The following GRM3 variants were observed in gnomAD, a reference collection of about 807,000 sequenced individuals.
The protein encoded by GRM3 is metabotropic glutamate receptor 3.
In GRM3, 26 loss-of-function variants were observed where a neutral mutation model predicts 70.5. The observed-to-expected ratio is 0.37, with a 90% CI of 0.27 to 0.51. GRM3 has a LOEUF of 0.51. Among genes scored for constraint, GRM3 ranks in the 20% least tolerant of loss-of-function variants. The pLI is 0.93. For synonymous variants in GRM3, 443 were observed against 434.9 expected (o/e 1.02, Z -0.23); for missense variants, 859 against 1,123.8 (o/e 0.76, Z 3.37).
chr7:86,688,487 T>G (rs1794618203), intron 1 of GRM3, among the ~76,000 whole-genome samples: 2 of 151,650 alleles, frequency 1.3e-5, no homozygotes, highest in African/African-American at 2.4e-5. Context: ...AAAATTTAAC[T>G]GTATAAAGCA....
chr7:86,767,570 G>A (rs1273071122), intron 2 of GRM3, among the ~76,000 whole-genome samples: 3 of 134,048 alleles, frequency 2.2e-5, no homozygotes, highest in Non-Finnish European at 4.8e-5. Flanking sequence ...AATGAAGTAT[G>A]AAACATTTCA....
At chr7:86,739,609 C>A (rs1315967229) in intron 1 of GRM3, among the ~76,000 whole-genome samples, 1 of 152,108 alleles carries the variant, frequency 6.6e-6, no homozygotes, top group Non-Finnish European at 1.5e-5. Context: ...TCTGGAAAGG[C>A]AAATTTATAA....
intron 1 of GRM3, among the ~76,000 whole-genome samples, chr7:86,688,007 A>G (rs1237622213): frequency 6.6e-6 from 1 of 151,752 alleles, no homozygotes; most frequent in Non-Finnish European, 1.5e-5. Context: ...ATAGCAAGAT[A>G]ACATGTTTAA....
At chr7:86,669,324 A>G (rs902710698) in intron 1 of GRM3, among the ~76,000 whole-genome samples, 1 of 152,196 alleles carries the variant, frequency 6.6e-6, no homozygotes, top group Non-Finnish European at 1.5e-5. Flanking sequence ...GAGAAACACT[A>G]CACTAAGAAC....
intron 3 of GRM3, among the ~76,000 whole-genome samples, chr7:86,825,870 G>A (rs1798222076): frequency 6.6e-6 from 1 of 152,174 alleles, no homozygotes; most frequent in Admixed American, 6.5e-5. Flanking sequence ...GCTTCTGAGA[G>A]CATCTCTGAA....
intron 1 of GRM3, among the ~76,000 whole-genome samples, chr7:86,663,357 G>T (rs1046848846): frequency 1.3e-5 from 2 of 151,988 alleles, no homozygotes; most frequent in African/African-American, 4.8e-5. Flanking sequence ...GAAAATTGAT[G>T]ATATCAGGCA....
At chr7:86,818,580 C>T (rs888738652) in intron 3 of GRM3, among the ~76,000 whole-genome samples, 21 of 152,072 alleles carry the variant, frequency 1.4e-4, no homozygotes, top group African/African-American at 5.1e-4. Flanking sequence ...AGCACTGATA[C>T]ATAGTAGGTA....
At chr7:86,672,832 T>C (rs973004328) in intron 1 of GRM3, among the ~76,000 whole-genome samples, 2 of 152,170 alleles carry the variant, frequency 1.3e-5, no homozygotes, top group Non-Finnish European at 2.9e-5. Context: ...TCTCTGACTT[T>C]GCTAAAAATG....
At chr7:86,824,027 G>A (rs1301135183) in intron 3 of GRM3, among the ~76,000 whole-genome samples, 2 of 152,166 alleles carry the variant, frequency 1.3e-5, no homozygotes, top group Non-Finnish European at 2.9e-5. Flanking sequence ...AGTCTGTATA[G>A]CCTAGAGACT....
chr7:86,825,145 GTTCCCCTCT>G (rs1396501610), intron 3 of GRM3, among the ~76,000 whole-genome samples: 2 of 152,090 alleles, frequency 1.3e-5, no homozygotes, highest in African/African-American at 4.8e-5. Context: ...GGTGTCTCTT[GTTCCCCTCT>G]TTGTGTCCAT....
chr7:86,661,678 C>A (rs1181454383), intron 1 of GRM3, among the ~76,000 whole-genome samples: 1 of 151,808 alleles, frequency 6.6e-6, no homozygotes, highest in African/African-American at 2.4e-5. Flanking sequence ...AATCAAATGA[C>A]ACTGGAAAAT....
In GRM3 at chr7:86,864,476, C is replaced by T. The variant is rs79858753; in HGVS notation, c.*121C>T. On this transcript the variant is annotated 3_prime_UTR_variant, in exon 6 of 6. Coordinates refer to ENST00000361669, the MANE Select transcript of GRM3 (RefSeq NM_000840.3). ...CTAGTACCTTTTTTTAGAAACAGTA[C>T]GATAAATTATTTTTGAGGACTGTAT... The T allele has an allele frequency of 3.1e-5, 24 of 764,346 alleles. No individual in the cohort carries two copies. Among genetic ancestry groups the T allele is most frequent in the African/African-American group, 6.8e-5 (4 of 58,570 alleles). The allele number at this position is 764,346 out of a possible 1,614,324, so 47.3% of individuals were successfully genotyped here. A position where few individuals can be genotyped will look rare whatever the true frequency, so the allele number is the denominator to read the frequency against.
Position 86,786,548 on chromosome 7 carries a change from C to G in GRM3, c.756C>G (p.Ile252Met), listed in dbSNP as rs2116543763. 6.2e-7 allele frequency: 1 copy of G among 1,614,094 alleles called. No homozygotes were observed. Among genetic ancestry groups the G allele is most frequent in the South Asian group, 1.1e-5 (1 of 91,092 alleles). ...CGGAGAAGGTGGGCCGCTCCAACAT[C>G]CGCAAGTCCTACGACAGCGTGATCC... The part of the protein sequence containing the change: ...ATAEKVGRSN[I>M]RKSYDSVIRE... The change falls in exon 3 of 6, where the codon ATC becomes ATG. Residue 252 changes from isoleucine (I) to methionine (M), a missense_variant. Physicochemically the swap from Ile to Met is conservative, Grantham distance 10 (BLOSUM62 1). Coordinates refer to ENST00000361669, the MANE Select transcript of GRM3 (RefSeq NM_000840.3). The surrounding 1 kb of genome is among the most constrained non-coding windows in gnomAD (Gnocchi z 6.0).
chr7:86,770,001 A>G (rs980051093), intron 2 of GRM3, among the ~76,000 whole-genome samples: 8 of 152,156 alleles, frequency 5.3e-5, no homozygotes, highest in African/African-American at 1.9e-4. Flanking sequence ...CAAGAAGAGA[A>G]TCAAGTTGGT....
chr7:86,648,322 A>G (rs1793527893), intron 1 of GRM3, among the ~76,000 whole-genome samples: 1 of 152,200 alleles, frequency 6.6e-6, no homozygotes, highest in African/African-American at 2.4e-5. Flanking sequence ...ACATTATGAG[A>G]CATTTTCATT....
intron 1 of GRM3, among the ~76,000 whole-genome samples, chr7:86,696,724 G>GGTGGTAGCA (rs1794827354): frequency 1.3e-5 from 2 of 150,766 alleles, no homozygotes; most frequent in African/African-American, 4.9e-5. Flanking sequence ...TGGTGGTAGC[G>GGTGGTAGCA]GTGGTAGCAG....
At position 86,725,349 on chromosome 7, in the gene GRM3, G is replaced by T. The variant is rs1795567250; in HGVS notation, c.-140-39657G>T. 2.0e-5 allele frequency among the ~76,000 whole-genome samples: 3 copies of T among 152,228 alleles called. No homozygotes were observed. In the South Asian group the frequency reaches 6.2e-4, roughly 32 times the overall value. ...TGTTGAACAACCAATCTCACAGTAT[G>T]CCATGGATTCTGAGAGCCAGGAATT... On this transcript the variant is annotated intron_variant, in intron 1 of 5. Coordinates refer to ENST00000361669, the MANE Select transcript of GRM3 (RefSeq NM_000840.3).
intron 1 of GRM3, among the ~76,000 whole-genome samples, chr7:86,694,496 A>G (rs1471816760): frequency 2.1e-5 from 3 of 139,684 alleles, no homozygotes; most frequent in African/African-American, 8.1e-5. Context: ...TGGGCAATAG[A>G]GCAAGACTCT....
intron 1 of GRM3, among the ~76,000 whole-genome samples, chr7:86,710,608 A>G (rs961898501): frequency 6.7e-6 from 1 of 148,330 alleles, no homozygotes; most frequent in Middle Eastern, 3.4e-3. Flanking sequence ...AGAGAGAGAG[A>G]GTGAGAGAGA....
Sources: allele counts gnomAD v4.1 joint callset (sites outside exome capture counted in the v4.1 genomes callset), GRCh38; gene constraint gnomAD v4.1.1; non-coding constraint Gnocchi (gnomAD v3.1); transcripts MANE v1.5; gene names NCBI Gene and HGNC (gene_info 2026-07-23, HGNC 2026-07-21).